ZBTB4: variants seen among roughly 807,000 people sequenced by gnomAD.
ZBTB4 encodes zinc finger and BTB domain-containing protein 4.
A neutral mutation model predicts 59.8 loss-of-function variants in ZBTB4; 14 were observed. The observed-to-expected ratio is 0.23, with a 90% CI of 0.15 to 0.37. ZBTB4 has a LOEUF of 0.37. Among genes scored for constraint, ZBTB4 ranks in the 10% least tolerant of loss-of-function variants. ZBTB4 has a pLI of 1.00. For synonymous variants in ZBTB4, 587 were observed against 575.2 expected (o/e 1.02, Z -0.29); for missense variants, 1,198 against 1,380.8 (o/e 0.87, Z 2.10).
chr17:7,480,854 T>C (rs1198810941), upstream of ZBTB4, among the ~76,000 whole-genome samples: 1 of 151,504 alleles, frequency 6.6e-6, no homozygotes, highest in Admixed American at 6.6e-5. Context: ...GAGACATAAA[T>C]AGAAAAGAAG....
chr17:7,466,759 CG>C lies in ZBTB4; in HGVS notation c.42del (p.Ala15ProfsTer21). The C allele has an allele frequency of 6.3e-7, 1 of 1,587,048 alleles. No homozygotes were observed. Reference protein sequence around the residue: ...PAEVTDPSHAPAVLRQLNEQR... With the variant: ...PAEVTDPSHAXAVLRQLNEQR... ...TGTTCATTGAGCTGGCGCAGGACGG[CG>C]GGGGCATGGGACGGGTCCGTCACCT... On this transcript the variant is annotated frameshift_variant, in exon 3 of 4. Transcript: ENST00000380599. LOFTEE classifies it high-confidence loss of function. This position sits in a 1 kb window ranked among gnomAD's most constrained non-coding sequence, Gnocchi z 9.1.
upstream of ZBTB4, chr17:7,483,401 T>G: frequency 3.5e-6 from 1 of 284,876 alleles, no homozygotes; most frequent in Non-Finnish European, 6.8e-6. Context: ...TCCCCACCCC[T>G]CCCCTCACGG....
chr17:7,472,237 C>A (rs1399657345), intron 1 of ZBTB4, among the ~76,000 whole-genome samples: 1 of 152,052 alleles, frequency 6.6e-6, no homozygotes, highest in Non-Finnish European at 1.5e-5. Flanking sequence ...GTCGCCCAGG[C>A]TGGAGTGCAG....
chr17:7,470,866 C>T (rs1260430285), intron 1 of ZBTB4, among the ~76,000 whole-genome samples: 1 of 152,118 alleles, frequency 6.6e-6, no homozygotes, highest in Non-Finnish European at 1.5e-5. Context: ...GTTTATGGCA[C>T]CCACTAGGGC....
Position 7,466,485 on chromosome 17 carries a change from G to T in ZBTB4, c.317C>A (p.Ser106Tyr). ...SSSSSASSSSSSSSSSPPPAS... is the reference protein window; with the variant it reads ...SSSSSASSSSYSSSSSPPPAS... ...TGGAGGGGGAGAGGAAGAGGAAGAG[G>T]AAGAAGAAGAAGAAGCAGAGGAGGA... The change falls in exon 3 of 4, where the codon TCC becomes TAC. Residue 106 changes from serine (S) to tyrosine (Y), a missense_variant. By Grantham distance (144) the Ser-to-Tyr change is moderately radical. This residue lies in a region of ZBTB4 where 83 missense variants were observed against 76.5 expected (regional missense o/e 1.09). Transcript: ENST00000380599. The surrounding 1 kb of genome is among the most constrained non-coding windows in gnomAD (Gnocchi z 9.1). 6.3e-7 allele frequency: 1 copy of T among 1,594,572 alleles called. No individual in the cohort carries two copies. Among genetic ancestry groups the T allele is most frequent in the Non-Finnish European group, 8.5e-7 (1 of 1,170,700 alleles).
Position 7,459,640 on chromosome 17 carries a change from T to TC in ZBTB4, c.*2299_*2300insG. 1 of 152,302 alleles carries TC rather than the reference T, an allele frequency of 6.6e-6. No homozygotes were observed. The highest frequency in any genetic ancestry group is 1.5e-5 in the Non-Finnish European group (1 of 68,002). 9.4% of individuals were successfully genotyped at this position (152,302 alleles called of 1,614,324 possible). A position where few individuals can be genotyped will look rare whatever the true frequency, so the allele number is the denominator to read the frequency against. On this transcript the variant is annotated 3_prime_UTR_variant, in exon 4 of 4. Coordinates refer to ENST00000380599, the MANE Select transcript of ZBTB4 (RefSeq NM_001128833.2). ...AAGACAAAACTGCAAAATCCCAAAT[T>TC]TCCAACATCTGAAACTCACAATATT...
At chr17:7,477,183 C>T (rs1233704081) in intron 1 of ZBTB4, among the ~76,000 whole-genome samples, 1 of 152,178 alleles carries the variant, frequency 6.6e-6, no homozygotes, top group Non-Finnish European at 1.5e-5. Context: ...AAGGGAATTC[C>T]CAGTCCTGGG....
chr17:7,475,129 G>C (rs1481717689), intron 1 of ZBTB4, among the ~76,000 whole-genome samples: 1 of 151,332 alleles, frequency 6.6e-6, no homozygotes, highest in African/African-American at 2.4e-5. Flanking sequence ...CACCTGCCTA[G>C]CCAACATGGT....
intron 1 of ZBTB4, among the ~76,000 whole-genome samples, chr17:7,469,670 TAGG>T (rs2070173414): frequency 6.7e-6 from 1 of 149,684 alleles, no homozygotes; most frequent in Non-Finnish European, 1.5e-5. Context: ...GAGGCTGAGG[TAGG>T]AGAATTGCTG....
In ZBTB4 at chr17:7,463,622, T is replaced by C. The variant is rs767997437; in HGVS notation, c.1360A>G (p.Ser454Gly). The C allele has an allele frequency of 1.9e-6, 3 of 1,607,694 alleles. No individual in the cohort carries two copies. In the East Asian group the frequency reaches 6.7e-5, roughly 36 times the overall value. The change falls in exon 4 of 4, where the codon AGC (serine) becomes GGC (glycine). Residue 454 changes from serine to glycine, a missense_variant. Transcript: ENST00000380599. The stretch of plus-strand genomic sequence containing the variant: ...GCAGGTGGAGGCCCAGGCGGCGGGC[T>C]GGCTGGCATTGCCACAGGGGCCGGT... ...NTPAPVAMPASPPPGPPPAPE... is the reference protein window; with the variant it reads ...NTPAPVAMPAGPPPGPPPAPE...
chr17:7,470,389 C>T (rs1019302185), intron 1 of ZBTB4, among the ~76,000 whole-genome samples: 1 of 151,020 alleles, frequency 6.6e-6, no homozygotes, highest in Non-Finnish European at 1.5e-5. Context: ...CAGAACAAGA[C>T]CCTGCCTCAA....
At chr17:7,469,939 G>A (rs938655163) in intron 1 of ZBTB4, among the ~76,000 whole-genome samples, 12 of 151,698 alleles carry the variant, frequency 7.9e-5, no homozygotes, top group South Asian at 2.1e-4. Context: ...AAAATTAGCC[G>A]GACGTGGTGG....
intron 1 of ZBTB4, among the ~76,000 whole-genome samples, chr17:7,468,716 C>T (rs755845592): frequency 3.3e-5 from 5 of 152,218 alleles, no homozygotes; most frequent in African/African-American, 7.2e-5. Context: ...CAGAGGTGTC[C>T]GGCATCAGGA....
At chr17:7,481,537 G>A, upstream of ZBTB4, 1 of 1,545,052 alleles carries the variant, frequency 6.5e-7, no homozygotes, top group African/African-American at 1.4e-5. Context: ...TGGGGGCCAG[G>A]GGCCTAGTAC....
upstream of ZBTB4, chr17:7,481,868 G>A (rs1007033583): frequency 4.6e-5 from 64 of 1,381,096 alleles, no homozygotes; most frequent in Non-Finnish European, 9.7e-7. Flanking sequence ...GAGTTCCTCA[G>A]CAAGATAGCC....
At chr17:7,483,039 G>A (rs2070368594), upstream of ZBTB4, 2 of 1,611,718 alleles carry the variant, frequency 1.2e-6, no homozygotes, top group Non-Finnish European at 1.7e-6. Context: ...GAGGGACAGG[G>A]ATAAATAGAG....
chr17:7,482,117 C>T (rs199848902), upstream of ZBTB4: 222 of 1,613,552 alleles, frequency 1.4e-4, 1 homozygote, highest in Admixed American at 3.7e-3. Flanking sequence ...GGTGGCCCTG[C>T]TGGGTGGGGG....
chr17:7,477,499 T>G (rs1422725520), intron 1 of ZBTB4, among the ~76,000 whole-genome samples: 1 of 152,138 alleles, frequency 6.6e-6, no homozygotes, highest in African/African-American at 2.4e-5. Context: ...GCACCCTCCC[T>G]TCCCCCACGT....
At chr17:7,477,487 C>T (rs910469736) in intron 1 of ZBTB4, among the ~76,000 whole-genome samples, 1 of 152,214 alleles carries the variant, frequency 6.6e-6, no homozygotes, top group African/African-American at 2.4e-5. Context: ...GGCCTGTCCG[C>T]AGCACCCTCC....
Sources: gnomAD v4.1 joint callset for allele counts (sites outside exome capture counted in the v4.1 genomes callset) on GRCh38, gnomAD v4.1.1 for gene constraint, gnomAD v4.1.1 regional missense constraint, Gnocchi (gnomAD v3.1) non-coding constraint, MANE v1.5 for transcripts, NCBI Gene and HGNC (gene_info 2026-07-23, HGNC 2026-07-21) for gene names.